The following PKHD1L1 variants were observed in gnomAD, a reference collection of about 807,000 sequenced individuals.
The protein encoded by PKHD1L1 is PKHD1 like 1.
PKHD1L1 carries 434 observed loss-of-function variants against 462.9 expected under a neutral mutation model. The observed-to-expected ratio is 0.94, with a 90% confidence interval of 0.87 to 1.02. The LOEUF is 1.02. Among genes scored for constraint, PKHD1L1 ranks in the 50% least tolerant of loss-of-function variants. The probability of loss-of-function intolerance (pLI) is 0.00; values close to 1 mark genes in which losing one functional copy is unlikely to be tolerated. For synonymous variants in PKHD1L1, 1,781 were observed against 1,750.0 expected (o/e 1.02, Z -0.44); for missense variants, 5,202 against 5,096.1 (o/e 1.02, Z -0.63).
At chr8:109,471,647 C>A (rs1254567366) in intron 50 of PKHD1L1, among the ~76,000 whole-genome samples, 1 of 152,030 alleles carries the variant, frequency 6.6e-6, no homozygotes, top group Non-Finnish European at 1.5e-5. Context: ...AAACATATAC[C>A]GCCCATAGTG....
intron 28 of PKHD1L1, among the ~76,000 whole-genome samples, chr8:109,433,951 T>G (rs909326069): frequency 6.6e-6 from 1 of 152,188 alleles, no homozygotes; most frequent in Non-Finnish European, 1.5e-5. Context: ...GATGAGTTCA[T>G]ATCCTTTGCA....
chr8:109,407,352 T>C (rs1374039313), intron 17 of PKHD1L1, among the ~76,000 whole-genome samples: 1 of 152,188 alleles, frequency 6.6e-6, no homozygotes, highest in African/African-American at 2.4e-5. Flanking sequence ...ATGGATATCC[T>C]TTTTGATGTA....
chr8:109,449,607 C>A, intron 40 of PKHD1L1, 120 bp downstream of exon 40: 1 of 816,050 alleles, frequency 1.2e-6, no homozygotes, highest in Non-Finnish European at 1.7e-6. Flanking sequence ...TTATGACTGT[C>A]CTGATTCTAA....
rs140642215 is a variant in PKHD1L1, at chr8:109,486,461, C to T, written c.9707-187C>T. ...AGAGGAAATATTTTTGATTATATTT[C>T]ATTTTATAAATACGAATATCATAAT... On this transcript the variant is annotated intron_variant, in intron 58 of 77. Coordinates refer to ENST00000378402, the MANE Select transcript of PKHD1L1 (RefSeq NM_177531.6). Among the ~76,000 whole-genome samples the T allele has an allele frequency of 5.5e-3, 830 of 152,024 alleles. 11 individuals carry two copies. Among genetic ancestry groups the T allele is most frequent in the African/African-American group, 0.018 (757 of 41,506 alleles).
intron 9 of PKHD1L1, among the ~76,000 whole-genome samples, chr8:109,392,896 G>A (rs1812779978): frequency 6.6e-6 from 1 of 152,060 alleles, no homozygotes; most frequent in Admixed American, 6.5e-5. Context: ...AACAACAGCT[G>A]TTCCCAACTG....
intron 49 of PKHD1L1, among the ~76,000 whole-genome samples, chr8:109,465,521 T>G (rs1817393025): frequency 6.6e-6 from 1 of 152,190 alleles, no homozygotes; most frequent in African/African-American, 2.4e-5. Context: ...GCAATATTCA[T>G]GGAAACATTG....
rs1817337261 is a variant in PKHD1L1, at chr8:109,464,758, G to T, written c.7926G>T (p.Val2642=). 2 of 1,613,702 alleles carry T rather than the reference G, an allele frequency of 1.2e-6. No homozygotes were observed. Among genetic ancestry groups the T allele is most frequent in the African/African-American group, 2.7e-5 (2 of 74,886 alleles). ...PMQTGSCTST[V]PAPAIFNSLT... is the part of the protein sequence containing the mutation. ...AAACGGGATCTTGTACATCTACAGT[G>T]CCTGCACCTGCAATATTTAACTCAC... Residue 2642 remains valine, a synonymous_variant, in exon 49 of 78, where the codon GTG becomes GTT. Coordinates refer to ENST00000378402, the MANE Select transcript of PKHD1L1 (RefSeq NM_177531.6).
chr8:109,526,791 T>C lies in PKHD1L1; in HGVS notation c.12492T>C (p.Asn4164=), dbSNP rs947431733. 6.5e-7 allele frequency: 1 copy of C among 1,546,202 alleles called. No homozygotes were observed. The highest frequency in any genetic ancestry group is 2.4e-5 in the East Asian group (1 of 40,836). Residue 4164 remains asparagine (N), a synonymous_variant, in exon 77 of 78, where the codon AAT becomes AAC. Transcript: ENST00000378402. ...GATGCTTTTTTTTTCCAGGAAAAAA[T>C]TATAAGATTGAATTTATACTGGATA... ...TDLTPLRTGK[N]YKIEFILDNV...
At chr8:109,499,494 G>A (rs1819292443) in intron 67 of PKHD1L1, among the ~76,000 whole-genome samples, 1 of 152,020 alleles carries the variant, frequency 6.6e-6, no homozygotes, top group Non-Finnish European at 1.5e-5. Context: ...CATACCCTTG[G>A]AGGAAATTGT....
rs1818275855 is a variant in PKHD1L1 at position 109,481,550 on chromosome 8, G to A, written c.9445G>A (p.Ala3149Thr). 1 of 1,592,160 alleles carries A rather than the reference G, an allele frequency of 6.3e-7. No homozygotes were observed. Among genetic ancestry groups the A allele is most frequent in the East Asian group, 2.3e-5 (1 of 44,230 alleles). Residue 3149 changes from alanine (A) to threonine (T), a missense_variant, in exon 56 of 78, where the codon GCA becomes ACA. Coordinates refer to ENST00000378402, the MANE Select transcript of PKHD1L1 (RefSeq NM_177531.6). ...WALPEGPNQG[A>T]KVLGVFGELD... ...TCTTCCAGAAGGACCAAATCAAGGGGCAAAGGTCTTAGGTGTGTGTCTACA... is the reference window on the plus strand; with the variant it reads ...TCTTCCAGAAGGACCAAATCAAGGGACAAAGGTCTTAGGTGTGTGTCTACA...
intron 21 of PKHD1L1, among the ~76,000 whole-genome samples, chr8:109,417,849 C>A (rs945323119): frequency 6.6e-6 from 1 of 152,174 alleles, no homozygotes; most frequent in African/African-American, 2.4e-5. Flanking sequence ...TGCACCTGGT[C>A]TCTAACAAAT....
At chr8:109,414,745 A>T (rs915707175) in intron 21 of PKHD1L1, among the ~76,000 whole-genome samples, 1 of 152,098 alleles carries the variant, frequency 6.6e-6, no homozygotes, top group Non-Finnish European at 1.5e-5. Context: ...ACACCCAGAC[A>T]GAGAGAGTGA....
chr8:109,535,474 T>G lies in PKHD1L1; in HGVS notation c.*5384T>G, dbSNP rs890251950. Among the ~76,000 whole-genome samples, 1 of 152,194 alleles carries G rather than the reference T, an allele frequency of 6.6e-6. No individual in the cohort carries two copies. Among genetic ancestry groups the G allele is most frequent in the East Asian group, 1.9e-4 (1 of 5,196 alleles). ...TAAGAACTACGTACAAAATATAGAT[T>G]TAAATTAATTTTCACTGTATGAAAT... On this transcript the variant is annotated 3_prime_UTR_variant, in exon 78 of 78. Transcript: ENST00000378402.
At chr8:109,472,095 A>C (rs1303356991) in intron 50 of PKHD1L1, among the ~76,000 whole-genome samples, 1 of 152,058 alleles carries the variant, frequency 6.6e-6, no homozygotes, top group Non-Finnish European at 1.5e-5. Flanking sequence ...ATTTTTTAAA[A>C]AAAATAATGT....
intron 2 of PKHD1L1, among the ~76,000 whole-genome samples, chr8:109,366,559 A>G (rs1469139400): frequency 1.3e-5 from 2 of 152,214 alleles, no homozygotes; most frequent in Admixed American, 6.5e-5. Context: ...ACAAGACTGC[A>G]TTGTATACCT....
At chr8:109,470,358 C>T in intron 50 of PKHD1L1, 4 of 1,550,080 alleles carry the variant, frequency 2.6e-6, no homozygotes, top group Admixed American at 1.7e-5. Context: ...TTAACCATTA[C>T]TATGAACCCA....
chr8:109,452,371 G>A, intron 42 of PKHD1L1, 91 bp downstream of exon 42: 1 of 1,197,892 alleles, frequency 8.3e-7, no homozygotes. Context: ...TTACTTTAAT[G>A]TCTCCAAAAA....
chr8:109,494,693 A>G (rs905384937), intron 63 of PKHD1L1, among the ~76,000 whole-genome samples: 1 of 152,026 alleles, frequency 6.6e-6, no homozygotes, highest in Non-Finnish European at 1.5e-5. Flanking sequence ...AAGAAAGGGA[A>G]GGAATCAGAA....
At chr8:109,461,185 T>G (rs987618521) in intron 47 of PKHD1L1, among the ~76,000 whole-genome samples, 1 of 152,204 alleles carries the variant, frequency 6.6e-6, no homozygotes. Context: ...TATAAGTAGT[T>G]GAACAATAAC....
Sources: gnomAD v4.1 joint callset for allele counts (sites outside exome capture counted in the v4.1 genomes callset) on GRCh38, gnomAD v4.1.1 for gene constraint, MANE v1.5 for transcripts, NCBI Gene and HGNC (gene_info 2026-07-23, HGNC 2026-07-21) for gene names.